The following ZNF69 variants were observed in gnomAD, a reference collection of about 807,000 sequenced individuals.
ZNF69 encodes the protein ZNF3.
ZNF69 carries 47 observed loss-of-function variants against 50.9 expected under a neutral mutation model. The ratio of observed to expected loss-of-function variants is 0.92; its 90% CI spans 0.73 to 1.18. ZNF69 has a LOEUF of 1.18. ZNF69 is among the 50% of genes most tolerant of loss of function. The pLI is 0.00. For synonymous variants in ZNF69, 216 were observed against 223.1 expected (o/e 0.97, Z 0.29); for missense variants, 717 against 675.1 (o/e 1.06, Z -0.69).
the ZNF69 span, among the ~76,000 whole-genome samples, chr19:11,929,733 G>A: frequency 5.9e-4 from 87 of 147,802 alleles, 16 homozygotes; most frequent in African/African-American, 2.2e-3. Flanking sequence ...ATGGGATGCC[G>A]GATCTCAAAT....
At chr19:11,897,323 G>A (rs1214722486) in intron 1 of ZNF69, among the ~76,000 whole-genome samples, 1 of 151,768 alleles carries the variant, frequency 6.6e-6, no homozygotes, top group Non-Finnish European at 1.5e-5. Context: ...CTCCAGCCTG[G>A]GCAACAAGAG....
chr19:11,974,105 C>CT, the ZNF69 span, among the ~76,000 whole-genome samples: 6 of 91,660 alleles, frequency 6.5e-5, no homozygotes, highest in South Asian at 3.6e-4. Flanking sequence ...TTCTTTCTTT[C>CT]TTTCTTTCTT....
At chr19:11,925,130 C>T in the ZNF69 span, 16 of 1,546,608 alleles carry the variant, frequency 1.0e-5, no homozygotes, top group African/African-American at 6.9e-5. Context: ...GCTGCGCGGG[C>T]GGCGGTTGGT....
the ZNF69 span, chr19:11,976,822 C>G: frequency 1.5e-6 from 2 of 1,364,840 alleles, no homozygotes; most frequent in Non-Finnish European, 9.5e-7. Flanking sequence ...TCATTATACT[C>G]CAGCCTGGGC....
chr19:11,918,022 G>C (rs1210850704), downstream of ZNF69, among the ~76,000 whole-genome samples: 2 of 152,038 alleles, frequency 1.3e-5, no homozygotes, highest in East Asian at 1.9e-4. Flanking sequence ...CTGACCTCAG[G>C]TGATCCACCC....
chr19:11,937,576 C>G, the ZNF69 span, among the ~76,000 whole-genome samples: 225 of 150,996 alleles, frequency 1.5e-3, no homozygotes, highest in Non-Finnish European at 2.8e-3. Context: ...GCAACCTCCA[C>G]CTCCCAGGTT....
At chr19:11,929,649 A>C in the ZNF69 span, among the ~76,000 whole-genome samples, 1 of 147,976 alleles carries the variant, frequency 6.8e-6, no homozygotes, top group South Asian at 2.1e-4. Flanking sequence ...CACACAGTTC[A>C]GTCTCATTGC....
the ZNF69 span, chr19:11,977,406 T>C: frequency 4.6e-5 from 74 of 1,613,816 alleles, no homozygotes; most frequent in African/African-American, 6.7e-5. Context: ...TGAATATGAG[T>C]ACCAAAACCC....
At chr19:11,977,871 A>G in the ZNF69 span, among the ~76,000 whole-genome samples, 1 of 152,210 alleles carries the variant, frequency 6.6e-6, no homozygotes, top group Non-Finnish European at 1.5e-5. Context: ...GAAAAATCAC[A>G]CAGAGTATTT....
the ZNF69 span, chr19:11,947,501 G>A: frequency 2.5e-6 from 4 of 1,611,644 alleles, no homozygotes; most frequent in African/African-American, 1.3e-5. Context: ...ATTTTTCTGT[G>A]TCTGTATTTT....
chr19:11,892,395 G>A (rs1977116637), intron 1 of ZNF69, among the ~76,000 whole-genome samples: 1 of 151,998 alleles, frequency 6.6e-6, no homozygotes, highest in Non-Finnish European at 1.5e-5. Flanking sequence ...TCCAGCTGAA[G>A]ACAATGTGAT....
chr19:11,968,640 T>G, the ZNF69 span, among the ~76,000 whole-genome samples: 1 of 152,202 alleles, frequency 6.6e-6, no homozygotes, highest in Non-Finnish European at 1.5e-5. Context: ...AAAAGTGAAT[T>G]TAATATTCTA....
chr19:11,963,549 C>T, the ZNF69 span, among the ~76,000 whole-genome samples: 1 of 152,134 alleles, frequency 6.6e-6, no homozygotes, highest in Non-Finnish European at 1.5e-5. Flanking sequence ...CGGTGACTCT[C>T]TTCCCCCTCC....
the ZNF69 span, among the ~76,000 whole-genome samples, chr19:11,963,959 C>T: frequency 1.3e-5 from 2 of 152,240 alleles, no homozygotes; most frequent in African/African-American, 4.8e-5. Flanking sequence ...TAGAATTTTC[C>T]TCGCCCATTT....
chr19:11,965,015 T>A, the ZNF69 span: 1 of 610,728 alleles, frequency 1.6e-6, no homozygotes, highest in Non-Finnish European at 2.9e-6. Flanking sequence ...CCATTGTTTA[T>A]CCAGGCACAG....
downstream of ZNF69, among the ~76,000 whole-genome samples, chr19:11,916,891 T>G (rs2145259547): frequency 6.6e-6 from 1 of 152,262 alleles, no homozygotes; most frequent in East Asian, 1.9e-4. Context: ...ATTTTCAGGA[T>G]TGCCCACCCA....
At chr19:11,965,237 G>A in the ZNF69 span, 18 of 1,613,772 alleles carry the variant, frequency 1.1e-5, no homozygotes, top group African/African-American at 1.3e-4. Flanking sequence ...CGGTTGTCCC[G>A]AGACGGGGTA....
At chr19:11,959,207 A>G in the ZNF69 span, among the ~76,000 whole-genome samples, 4 of 152,300 alleles carry the variant, frequency 2.6e-5, no homozygotes, top group African/African-American at 9.6e-5. Context: ...ATTTTGTTTT[A>G]TGATTTGGGT....
Position 11,887,838 on chromosome 19 carries a change from C to A in ZNF69, c.-86C>A. ...TCCTTACCTCACCTTTGTCCCTGCGCGGGCTGCGGCTGGGATCCGGTCTTT... is the reference window on the plus strand; with the variant it reads ...TCCTTACCTCACCTTTGTCCCTGCGAGGGCTGCGGCTGGGATCCGGTCTTT... On this transcript the variant is annotated 5_prime_UTR_variant, in exon 1 of 4. Transcript: ENST00000429654. The A allele has an allele frequency of 1.6e-6, 2 of 1,252,890 alleles. No homozygotes were observed. Among genetic ancestry groups the A allele is most frequent in the Non-Finnish European group, 1.1e-6 (1 of 874,126 alleles). The allele number at this position is 1,252,890 out of a possible 1,614,324, so 77.6% of individuals were successfully genotyped here. A position where few individuals can be genotyped will look rare whatever the true frequency, so the allele number is the denominator to read the frequency against.
Sources: gnomAD v4.1 joint callset for allele counts (sites outside exome capture counted in the v4.1 genomes callset) on GRCh38, gnomAD v4.1.1 for gene constraint, MANE v1.5 for transcripts, NCBI Gene and HGNC (gene_info 2026-07-23, HGNC 2026-07-21) for gene names.